KIAA1328: variants seen among roughly 807,000 people sequenced by gnomAD.
KIAA1328 encodes the protein KIAA1328.
A neutral mutation model predicts 68.1 loss-of-function variants in KIAA1328; 52 were observed. The ratio of observed to expected loss-of-function variants is 0.76; its 90% CI spans 0.61 to 0.96. The LOEUF (loss-of-function observed/expected upper bound fraction) is 0.96. Ranked by LOEUF, KIAA1328 falls within the 40% of genes least tolerant of loss-of-function variation. KIAA1328 has a pLI of 0.00. For missense variants in KIAA1328, 641 were observed against 677.6 expected, an observed-to-expected ratio of 0.95 and a Z score of 0.60; for synonymous variants, 232 against 239.4, an observed-to-expected ratio of 0.97 and a Z score of 0.28.
chr18:37,175,562 A>G (rs1406157182), intron 9 of KIAA1328, among the ~76,000 whole-genome samples: 1 of 152,190 alleles, frequency 6.6e-6, no homozygotes, highest in Non-Finnish European at 1.5e-5. Flanking sequence ...GCATGATGAC[A>G]TCATACAGGT....
intron 9 of KIAA1328, among the ~76,000 whole-genome samples, chr18:37,185,007 C>CA (rs967470247): frequency 2.7e-5 from 4 of 150,360 alleles, no homozygotes; most frequent in Non-Finnish European, 4.4e-5. Flanking sequence ...ACTAAAAATA[C>CA]AAAAAAAAAT....
chr18:36,868,982 C>T (rs1268868156), intron 4 of KIAA1328, among the ~76,000 whole-genome samples: 1 of 149,902 alleles, frequency 6.7e-6, no homozygotes, highest in Non-Finnish European at 1.5e-5. Context: ...ATTAAATGTA[C>T]ATTGATTGCG....
intron 6 of KIAA1328, among the ~76,000 whole-genome samples, chr18:37,054,463 A>G (rs2055831112): frequency 1.3e-5 from 2 of 152,256 alleles, no homozygotes; most frequent in African/African-American, 4.8e-5. Context: ...TAGATACACC[A>G]TGAAATAGTA....
intron 1 of KIAA1328, chr18:36,832,670 A>T (rs1370567116): frequency 6.6e-6 from 1 of 152,040 alleles, no homozygotes; most frequent in Non-Finnish European, 1.5e-5. Context: ...AACACCTCAT[A>T]AAATTAAATC....
chr18:37,177,254 T>G (rs1225795812), intron 9 of KIAA1328, among the ~76,000 whole-genome samples: 1 of 152,206 alleles, frequency 6.6e-6, no homozygotes, highest in African/African-American at 2.4e-5. Flanking sequence ...TAGTATCTTC[T>G]GAGATTGCTC....
rs535175859 is a variant in KIAA1328 at position 37,077,317 on chromosome 18, T to C, written c.1232+9772T>C. Among the ~76,000 whole-genome samples, 5 of 136,438 alleles carry C rather than the reference T, an allele frequency of 3.7e-5. No individual in the cohort carries two copies. In the South Asian group the frequency reaches 6.4e-4, roughly 18 times the overall value. The allele number at this position is 136,438 out of a possible 152,430, so 89.5% of individuals were successfully genotyped here. ...TGCTAAAAACTCAATAAATTAGGTA[T>C]TGATGGGACGTATCTCAAAATAATA... On this transcript the variant is annotated intron_variant, in intron 7 of 9. Coordinates refer to ENST00000280020, the MANE Select transcript of KIAA1328 (RefSeq NM_020776.3).
chr18:37,197,444 G>C (rs180756933), intron 9 of KIAA1328, among the ~76,000 whole-genome samples: 2 of 152,164 alleles, frequency 1.3e-5, no homozygotes, highest in African/African-American at 4.8e-5. Flanking sequence ...ATCCAATCCT[G>C]TTGCCACTAT....
At chr18:36,877,823 T>A (rs1337958464) in intron 4 of KIAA1328, among the ~76,000 whole-genome samples, 1 of 151,838 alleles carries the variant, frequency 6.6e-6, no homozygotes, top group Non-Finnish European at 1.5e-5. Flanking sequence ...CCCGCCACAA[T>A]GGCTGGCTAA....
At chr18:37,056,083 A>G (rs1470196548) in intron 6 of KIAA1328, among the ~76,000 whole-genome samples, 1 of 152,240 alleles carries the variant, frequency 6.6e-6, no homozygotes, top group Non-Finnish European at 1.5e-5. Flanking sequence ...CTTATAGAAC[A>G]TCACTGTTTA....
rs539881443 is a variant in KIAA1328, at chr18:37,049,580, G to A, written c.577-17310G>A. On this transcript the variant is annotated intron_variant, in intron 6 of 9. Coordinates refer to ENST00000280020, the MANE Select transcript of KIAA1328 (RefSeq NM_020776.3). The stretch of plus-strand genomic sequence containing the variant: ...CCCCAAGGAAAGGCTAACCCTCCAA[G>A]GACAGCCATCTTAAATCTCTTCGGT... Among the ~76,000 whole-genome samples the A allele has an allele frequency of 1.2e-4, 18 of 152,216 alleles. No individual in the cohort carries two copies. The South Asian group carries it at 3.7e-3, about 32-fold the overall frequency.
chr18:37,083,676 G>A (rs17567967), intron 7 of KIAA1328, among the ~76,000 whole-genome samples: 16,143 of 152,172 alleles, frequency 0.11, 1,088 homozygotes, highest in Non-Finnish European at 0.13. Flanking sequence ...TTAGTGAGCT[G>A]TACCCCTAAT....
rs927833056 is a variant in KIAA1328, at chr18:37,115,339, G to T, written c.1233-44861G>T. 2.0e-5 allele frequency among the ~76,000 whole-genome samples: 3 copies of T among 152,286 alleles called. No homozygotes were observed. In the East Asian group the frequency reaches 5.8e-4, roughly 29 times the overall value. ...CCATGATCAAGTTGGCTTCATCCCT[G>T]GGATGCAAGGCTGGTTGAACATACA... On this transcript the variant is annotated intron_variant, in intron 7 of 9. Coordinates refer to ENST00000280020, the MANE Select transcript of KIAA1328 (RefSeq NM_020776.3).
chr18:36,923,823 T>C (rs1313953695), intron 5 of KIAA1328: 3 of 152,250 alleles, frequency 2.0e-5, no homozygotes, highest in Non-Finnish European at 4.4e-5. Flanking sequence ...ATGTGACTGG[T>C]ATTATGTAGA....
At chr18:36,943,818 G>A (rs1209302915) in intron 5 of KIAA1328, among the ~76,000 whole-genome samples, 2 of 152,076 alleles carry the variant, frequency 1.3e-5, no homozygotes, top group African/African-American at 4.8e-5. Context: ...TATACCATAT[G>A]CCATTTTGGA....
chr18:37,159,899 C>G (rs1370869101), intron 7 of KIAA1328, among the ~76,000 whole-genome samples: 1 of 152,124 alleles, frequency 6.6e-6, no homozygotes, highest in East Asian at 1.9e-4. Flanking sequence ...CTTTTTATTT[C>G]TATAGATAGC....
chr18:36,845,094 A>G lies in KIAA1328; in HGVS notation c.332+792A>G, dbSNP rs527917808. Among the ~76,000 whole-genome samples the G allele has an allele frequency of 1.6e-4, 24 of 151,934 alleles. 1 individual carries two copies. The South Asian group carries it at 2.3e-3, about 14-fold the overall frequency. ...TTAAAAAGACTGAAGTTAAAAAATT[A>G]CCTTACTCTAAGTCATACAATCATG... is the stretch of plus-strand genomic sequence containing the variant. On this transcript the variant is annotated intron_variant, in intron 4 of 9. Coordinates refer to ENST00000280020, the MANE Select transcript of KIAA1328 (RefSeq NM_020776.3).
At chr18:37,113,276 T>G (rs1327273493) in intron 7 of KIAA1328, among the ~76,000 whole-genome samples, 1 of 151,924 alleles carries the variant, frequency 6.6e-6, no homozygotes, top group Non-Finnish European at 1.5e-5. Context: ...AGGTTAATCA[T>G]AAAGGGAAGC....
At chr18:36,969,815 G>A (rs1199376669) in intron 6 of KIAA1328, among the ~76,000 whole-genome samples, 1 of 151,870 alleles carries the variant, frequency 6.6e-6, no homozygotes, top group Non-Finnish European at 1.5e-5. Context: ...ACCAAAACCT[G>A]GCAGAGACAT....
chr18:37,133,362 G>A (rs1323116708), intron 7 of KIAA1328, among the ~76,000 whole-genome samples: 1 of 151,698 alleles, frequency 6.6e-6, no homozygotes, highest in Non-Finnish European at 1.5e-5. Flanking sequence ...GGCTGTAGGT[G>A]TTAGGGTCAG....
Sources: gnomAD v4.1 joint callset for allele counts (sites outside exome capture counted in the v4.1 genomes callset) on GRCh38, gnomAD v4.1.1 for gene constraint, MANE v1.5 for transcripts, NCBI Gene and HGNC (gene_info 2026-07-23, HGNC 2026-07-21) for gene names.